Variants in CCNC observed in about 807,000 individuals in gnomAD.
The protein encoded by CCNC is cyclin-C.
A neutral mutation model predicts 50.0 loss-of-function variants in CCNC; 19 were observed. The observed-to-expected ratio is 0.38, with a 90% CI of 0.27 to 0.56. The LOEUF is 0.56. Among genes scored for constraint, CCNC ranks in the 20% least tolerant of loss-of-function variants. The pLI, the probability that CCNC is intolerant of heterozygous loss-of-function variation, is 0.72. For synonymous variants in CCNC, 93 were observed against 103.7 expected (o/e 0.90, Z 0.63); for missense variants, 200 against 327.1 (o/e 0.61, Z 3.00).
intron 9 of CCNC, among the ~76,000 whole-genome samples, chr6:99,548,694 A>C (rs900412438): frequency 6.6e-6 from 1 of 151,742 alleles, no homozygotes; most frequent in African/African-American, 2.4e-5. Context: ...GGACACCTAT[A>C]ATCCTCCTGT....
intron 10 of CCNC, among the ~76,000 whole-genome samples, chr6:99,546,031 C>T (rs1449832074): frequency 6.6e-6 from 1 of 152,004 alleles, no homozygotes; most frequent in Non-Finnish European, 1.5e-5. Flanking sequence ...TGCAGTGGCA[C>T]GATCTTGGCT....
chr6:99,558,686 T>C, intron 4 of CCNC, 138 bp from the exon 5 acceptor site: 1 of 664,398 alleles, frequency 1.5e-6, no homozygotes, highest in Non-Finnish European at 2.4e-6. Context: ...CTTACACTCC[T>C]AAATGTACAG....
At chr6:99,545,690 A>G (rs1802041252) in intron 10 of CCNC, among the ~76,000 whole-genome samples, 1 of 152,146 alleles carries the variant, frequency 6.6e-6, no homozygotes, top group South Asian at 2.1e-4. Flanking sequence ...CAAATTAGCT[A>G]TTTTTTTCCC....
intron 1 of CCNC, among the ~76,000 whole-genome samples, chr6:99,563,434 C>A (rs916538365): frequency 6.6e-6 from 1 of 152,174 alleles, no homozygotes; most frequent in African/African-American, 2.4e-5. Context: ...GAATGTGTTA[C>A]ACTGATAGCC....
chr6:99,559,501 T>G (rs1291608575), intron 4 of CCNC, among the ~76,000 whole-genome samples: 1 of 152,140 alleles, frequency 6.6e-6, no homozygotes, highest in African/African-American at 2.4e-5. Context: ...GTAGGGGAAA[T>G]GTATGTGTAC....
At chr6:99,543,894 G>A in intron 11 of CCNC, 1 of 1,281,178 alleles carries the variant, frequency 7.8e-7, no homozygotes, top group Non-Finnish European at 9.9e-7. Context: ...GGATTTCATT[G>A]TTATTACAGG....
intron 11 of CCNC, chr6:99,544,122 G>C: frequency 6.9e-7 from 1 of 1,451,026 alleles, no homozygotes; most frequent in East Asian, 2.6e-5. Context: ...CCTGGAAAAT[G>C]CTGAATACTT....
intron 11 of CCNC, chr6:99,544,172 A>C (rs979950177): frequency 1.4e-5 from 21 of 1,514,620 alleles, no homozygotes; most frequent in Admixed American, 2.1e-5. Flanking sequence ...ACTAAAACTG[A>C]AAATACCAGT....
At chr6:99,546,953 C>T (rs181096093) in intron 9 of CCNC, among the ~76,000 whole-genome samples, 1 of 152,146 alleles carries the variant, frequency 6.6e-6, no homozygotes, top group African/African-American at 2.4e-5. Flanking sequence ...ATTATTAGCA[C>T]ATGATCAAGT....
intron 9 of CCNC, among the ~76,000 whole-genome samples, chr6:99,546,751 C>T (rs1802087830): frequency 2.0e-5 from 3 of 152,082 alleles, no homozygotes; most frequent in Admixed American, 6.6e-5. Context: ...GAAAAACATC[C>T]AATGAGGAGA....
In CCNC at chr6:99,556,397, T is replaced by C. The variant is rs191351669; in HGVS notation, c.346+2100A>G. Among the ~76,000 whole-genome samples, 7 of 152,330 alleles carry C rather than the reference T, an allele frequency of 4.6e-5. No homozygotes were observed. In the East Asian group the frequency reaches 1.3e-3, roughly 29 times the overall value. On this transcript the variant is annotated intron_variant, in intron 5 of 11. Transcript: ENST00000520429. Reference sequence around the variant, plus strand: ...CCATAATGTCCTCAAGGTTCATCCATGTTGTGGGATGTAAATAACTTCAAA... The same window carrying C: ...CCATAATGTCCTCAAGGTTCATCCACGTTGTGGGATGTAAATAACTTCAAA...
chr6:99,568,466 C>T (rs1769253521), intron 1 of CCNC, 30 bp downstream of exon 1: 2 of 1,607,932 alleles, frequency 1.2e-6, no homozygotes, highest in Non-Finnish European at 1.7e-6. Flanking sequence ...CAAAAACCGG[C>T]CCCAGGTGAG....
intron 4 of CCNC, among the ~76,000 whole-genome samples, chr6:99,559,652 TAA>T (rs79147310): frequency 1.7e-5 from 2 of 117,792 alleles, no homozygotes; most frequent in Non-Finnish European, 1.6e-5. Flanking sequence ...GTCACAGAGA[TAA>T]AAAAAAAATA....
intron 4 of CCNC, among the ~76,000 whole-genome samples, chr6:99,560,675 A>C (rs1199382607): frequency 6.6e-6 from 1 of 152,252 alleles, no homozygotes; most frequent in Non-Finnish European, 1.5e-5. Flanking sequence ...TTTCAAAAAT[A>C]CTACAAAGGT....
At chr6:99,553,584 TC>T (rs1160686019) in intron 5 of CCNC, among the ~76,000 whole-genome samples, 27 of 152,344 alleles carry the variant, frequency 1.8e-4, no homozygotes, top group Middle Eastern at 3.4e-3. Context: ...GCTATTTTTT[TC>T]ATCTTTAACC....
chr6:99,562,751 C>A, intron 2 of CCNC, 91 bp downstream of exon 2: 1 of 660,336 alleles, frequency 1.5e-6, no homozygotes, highest in East Asian at 2.8e-5. Context: ...GTTAGGTATG[C>A]ACTAAAACAG....
At chr6:99,558,605 C>G in intron 4 of CCNC, 57 bp from the exon 5 acceptor site, 1 of 1,477,954 alleles carries the variant, frequency 6.8e-7, no homozygotes, top group Non-Finnish European at 9.1e-7. Flanking sequence ...TATCTGAACT[C>G]TATTCAAAAC....
chr6:99,543,837 T>TTA, intron 11 of CCNC: 1 of 1,364,460 alleles, frequency 7.3e-7, no homozygotes. Flanking sequence ...ACAAGCATTC[T>TTA]GGAAGTTAGT....
At chr6:99,561,808 A>G (rs945367971) in intron 2 of CCNC, 127 bp from the exon 3 acceptor site, 8 of 628,348 alleles carry the variant, frequency 1.3e-5, no homozygotes, top group Non-Finnish European at 2.0e-5. Flanking sequence ...AAACCTACAC[A>G]TGCTCTATGT....
Sources: allele counts gnomAD v4.1 joint callset (sites outside exome capture counted in the v4.1 genomes callset), GRCh38; gene constraint gnomAD v4.1.1; transcripts MANE v1.5; gene names NCBI Gene and HGNC (gene_info 2026-07-23, HGNC 2026-07-21).